The following MYOCD variants were observed in gnomAD, a reference collection of about 807,000 sequenced individuals.
MYOCD encodes the protein myocardin.
Under a neutral mutation model 96.1 loss-of-function variants are expected in MYOCD, and 32 were observed. The observed-to-expected ratio is 0.33, with a 90% CI of 0.25 to 0.45. The LOEUF (loss-of-function observed/expected upper bound fraction) is 0.45. Ranked by LOEUF, MYOCD falls within the 20% of genes least tolerant of loss-of-function variation. The probability of loss-of-function intolerance (pLI) is 1.00; values close to 1 mark genes in which losing one functional copy is unlikely to be tolerated. For synonymous variants in MYOCD, 469 were observed against 469.0 expected (o/e 1.00, Z 0.00); for missense variants, 1,133 against 1,200.6 (o/e 0.94, Z 0.83).
At chr17:12,737,501 A>T (rs371351897) in intron 6 of MYOCD, among the ~76,000 whole-genome samples, 6 of 152,226 alleles carry the variant, frequency 3.9e-5, no homozygotes, top group African/African-American at 9.6e-5. Flanking sequence ...GGGGAAATCC[A>T]GCCAGAGGTA....
intron 8 of MYOCD, among the ~76,000 whole-genome samples, chr17:12,745,291 C>T (rs1445466086): frequency 6.6e-6 from 1 of 152,090 alleles, no homozygotes; most frequent in Non-Finnish European, 1.5e-5. Flanking sequence ...CTCACCGCAA[C>T]CTCCGCCTCC....
chr17:12,674,872 C>T (rs985712368), intron 1 of MYOCD, among the ~76,000 whole-genome samples: 3 of 152,146 alleles, frequency 2.0e-5, no homozygotes, highest in African/African-American at 7.2e-5. Context: ...ATCTTTTCAT[C>T]TCAGTGTAGG....
rs554822648 is a variant in MYOCD, at chr17:12,703,688, C to G, written c.56-1440C>G. Among the ~76,000 whole-genome samples, 261 of 152,184 alleles carry G rather than the reference C, an allele frequency of 1.7e-3. 1 individual carries two copies. Among genetic ancestry groups the G allele is most frequent in the Middle Eastern group, 0.01 (3 of 294 alleles). ...CGTTAGACTTTTAGATATTGTCACACGAATCCCTGAGGCTAATGTTAGACT... is the reference window on the plus strand; with the variant it reads ...CGTTAGACTTTTAGATATTGTCACAGGAATCCCTGAGGCTAATGTTAGACT... On this transcript the variant is annotated intron_variant, in intron 1 of 13. Transcript: ENST00000425538.
chr17:12,752,620 C>T lies in MYOCD; in HGVS notation c.1332C>T (p.Asn444=), dbSNP rs200265098. ...CCTCTTCTACCAGTGCCCTGTCCAA[C>T]GGCTTCTACCACTTTGGCAGCACCA... ...QSSSSTSALS[N]GFYHFGSTSS... Residue 444 remains asparagine, a synonymous_variant, in exon 10 of 14, where the codon AAC becomes AAT. Transcript: ENST00000425538. The T allele has an allele frequency of 1.1e-4, 185 of 1,613,990 alleles. No individual in the cohort carries two copies. The highest frequency in any genetic ancestry group is 1.3e-4 in the Non-Finnish European group (159 of 1,180,012).
In MYOCD at chr17:12,728,116, A is replaced by G. The variant is rs1158970564; in HGVS notation, c.415+5108A>G. 2.6e-5 allele frequency among the ~76,000 whole-genome samples: 4 copies of G among 152,198 alleles called. No individual in the cohort carries two copies. In the East Asian group the frequency reaches 5.8e-4, roughly 22 times the overall value. ...TTGTGTTACATGAAAGCGATGATTC[A>G]TGAGAACAGAAATGATATCCTGGAG... On this transcript the variant is annotated intron_variant, in intron 5 of 13. Transcript: ENST00000425538.
Position 12,736,021 on chromosome 17 carries a change from G to C in MYOCD, c.416-140G>C, listed in dbSNP as rs1164204824. On this transcript the variant is annotated intron_variant, in intron 5 of 13. Transcript: ENST00000425538. Reference sequence around the variant, plus strand: ...TATAAACCAAATAATTTAAAGTATAGCTTCACTCTTACCTAAACTTAAAAC... The same window carrying C: ...TATAAACCAAATAATTTAAAGTATACCTTCACTCTTACCTAAACTTAAAAC... 8.1e-6 allele frequency: 6 copies of C among 738,918 alleles called. No individual in the cohort carries two copies. The African/African-American group carries it at 8.8e-5, about 11-fold the overall frequency. The allele number at this position is 738,918 out of a possible 1,614,324, so 45.8% of individuals were successfully genotyped here.
At chr17:12,747,181 T>G (rs1043118251) in intron 9 of MYOCD, among the ~76,000 whole-genome samples, 2 of 152,104 alleles carry the variant, frequency 1.3e-5, no homozygotes, top group Non-Finnish European at 2.9e-5. Context: ...TGATAGGCAG[T>G]TTAACCAGCT....
Position 12,676,042 on chromosome 17 carries a change from C to T in MYOCD, c.55+9799C>T, listed in dbSNP as rs1006414218. 2.2e-4 allele frequency among the ~76,000 whole-genome samples: 33 copies of T among 151,692 alleles called. 1 individual carries two copies. Among genetic ancestry groups the T allele is most frequent in the South Asian group, 4.2e-4 (2 of 4,806 alleles). ...TTCGTATCTACATAATTTTTAAATA[C>T]GCCTAAAACATAAGAAGAAATTGAC... On this transcript the variant is annotated intron_variant, in intron 1 of 13. Transcript: ENST00000425538.
intron 1 of MYOCD, among the ~76,000 whole-genome samples, chr17:12,692,408 C>T (rs2030498553): frequency 1.3e-5 from 2 of 152,120 alleles, no homozygotes; most frequent in African/African-American, 4.8e-5. Context: ...CTCATTAATG[C>T]CGTCCCAATA....
At chr17:12,701,075 CATT>C (rs1266307900) in intron 1 of MYOCD, among the ~76,000 whole-genome samples, 2 of 152,160 alleles carry the variant, frequency 1.3e-5, no homozygotes, top group Non-Finnish European at 2.9e-5. Flanking sequence ...TATATTTTCT[CATT>C]ATCTTTAATG....
At chr17:12,681,327 T>C (rs149278010) in intron 1 of MYOCD, among the ~76,000 whole-genome samples, 1 of 152,174 alleles carries the variant, frequency 6.6e-6, no homozygotes, top group Non-Finnish European at 1.5e-5. Flanking sequence ...CTTGAGTTAT[T>C]TTAACATGAA....
At chr17:12,718,393 G>T (rs1471202852) in intron 4 of MYOCD, among the ~76,000 whole-genome samples, 1 of 152,170 alleles carries the variant, frequency 6.6e-6, no homozygotes, top group African/African-American at 2.4e-5. Flanking sequence ...AAAGATGGAA[G>T]GGGGTCGCAG....
intron 7 of MYOCD, among the ~76,000 whole-genome samples, chr17:12,740,680 C>A (rs2032479763): frequency 6.6e-6 from 1 of 152,130 alleles, no homozygotes; most frequent in African/African-American, 2.4e-5. Context: ...CAGTTAATTG[C>A]CTGGTAATCA....
chr17:12,704,980 G>A, intron 1 of MYOCD, 148 bp from the exon 2 acceptor site: 1 of 616,602 alleles, frequency 1.6e-6, no homozygotes, highest in Non-Finnish European at 2.9e-6. Context: ...TTCTTCCACT[G>A]TGTCTACAAC....
intron 1 of MYOCD, among the ~76,000 whole-genome samples, chr17:12,696,239 A>C (rs1003602465): frequency 6.6e-6 from 1 of 151,852 alleles, no homozygotes; most frequent in Non-Finnish European, 1.5e-5. Flanking sequence ...CGACCTCCCA[A>C]AGTGCTGGGA....
At chr17:12,696,666 T>C (rs922993583) in intron 1 of MYOCD, among the ~76,000 whole-genome samples, 1 of 152,216 alleles carries the variant, frequency 6.6e-6, no homozygotes. Flanking sequence ...TCTTGCCTGT[T>C]TCTGAGAAAG....
chr17:12,705,061 G>T, intron 1 of MYOCD, 67 bp from the exon 2 acceptor site: 1 of 965,890 alleles, frequency 1.0e-6, no homozygotes, highest in Non-Finnish European at 1.6e-6. Context: ...CTATGAATGT[G>T]TAATGAAAAT....
Position 12,753,174 on chromosome 17 carries a change from T to C in MYOCD, c.1886T>C (p.Leu629Pro). ...DQTNVLSSTF[L>P]SPQCSPQHSP... ...ACCAATGTACTTTCTTCCACATTTCTCAGCCCCCAGTGTTCCCCTCAGCAT... is the reference window on the plus strand; with the variant it reads ...ACCAATGTACTTTCTTCCACATTTCCCAGCCCCCAGTGTTCCCCTCAGCAT... The change falls in exon 10 of 14, where the codon CTC becomes CCC. Residue 629 changes from leucine to proline, a missense_variant. Transcript: ENST00000425538. 1 of 1,614,192 alleles carries C rather than the reference T, an allele frequency of 6.2e-7. No homozygotes were observed. The highest frequency in any genetic ancestry group is 1.1e-5 in the South Asian group (1 of 91,084).
At chr17:12,759,593 C>T (rs2033113846) in intron 12 of MYOCD, among the ~76,000 whole-genome samples, 1 of 152,132 alleles carries the variant, frequency 6.6e-6, no homozygotes, top group Non-Finnish European at 1.5e-5. Context: ...CATTCCTCTC[C>T]CCTGGTTTCT....
Sources: allele counts gnomAD v4.1 joint callset (sites outside exome capture counted in the v4.1 genomes callset), GRCh38; gene constraint gnomAD v4.1.1; transcripts MANE v1.5; gene names NCBI Gene and HGNC (gene_info 2026-07-23, HGNC 2026-07-21).